MPPED2: variants seen among roughly 807,000 people sequenced by gnomAD.
MPPED2 encodes metallophosphoesterase domain containing 2.
In MPPED2, 5 loss-of-function variants were observed where a neutral mutation model predicts 33.0. The ratio of observed to expected loss-of-function variants is 0.15; its 90% CI spans 0.08 to 0.32. The LOEUF (loss-of-function observed/expected upper bound fraction) is 0.32, where lower values mean the gene tolerates loss of function less well. Among genes scored for constraint, MPPED2 ranks in the 10% least tolerant of loss-of-function variants. The pLI is 1.00. For synonymous variants in MPPED2, 136 were observed against 141.9 expected (o/e 0.96, Z 0.29); for missense variants, 275 against 372.1 (o/e 0.74, Z 2.15).
intron 3 of MPPED2, among the ~76,000 whole-genome samples, chr11:30,508,545 A>G (rs1327201537): frequency 6.6e-6 from 1 of 152,328 alleles, no homozygotes; most frequent in East Asian, 1.9e-4. Flanking sequence ...TTTAAACCAC[A>G]TAGTCTGTGT....
chr11:30,481,421 G>A (rs1339595728), intron 4 of MPPED2, among the ~76,000 whole-genome samples: 4 of 152,090 alleles, frequency 2.6e-5, no homozygotes, highest in Non-Finnish European at 4.4e-5. Context: ...ATCTGGTCCC[G>A]TTTAAAGCAA....
chr11:30,454,777 A>T (rs1950210239), intron 4 of MPPED2, among the ~76,000 whole-genome samples: 1 of 152,208 alleles, frequency 6.6e-6, no homozygotes, highest in Admixed American at 6.5e-5. Context: ...AAATCAAAAC[A>T]ACTAGTGCTG....
chr11:30,544,979 G>T (rs375802414), intron 2 of MPPED2, among the ~76,000 whole-genome samples: 30 of 152,292 alleles, frequency 2.0e-4, no homozygotes, highest in African/African-American at 7.2e-4. Context: ...TATTAAGAGT[G>T]GTGTGAAAGC....
At chr11:30,473,575 G>T (rs945212861) in intron 4 of MPPED2, among the ~76,000 whole-genome samples, 5 of 152,056 alleles carry the variant, frequency 3.3e-5, no homozygotes, top group Non-Finnish European at 4.4e-5. Flanking sequence ...TGGTATTCAT[G>T]CCCATATGTA....
chr11:30,561,831 C>T (rs2134724559), intron 2 of MPPED2, among the ~76,000 whole-genome samples: 1 of 152,234 alleles, frequency 6.6e-6, no homozygotes, highest in Non-Finnish European at 1.5e-5. Context: ...CAAGTGATGC[C>T]AACACCAATG....
intron 4 of MPPED2, among the ~76,000 whole-genome samples, chr11:30,447,184 G>A (rs1275496715): frequency 6.6e-6 from 1 of 152,188 alleles, no homozygotes; most frequent in Non-Finnish European, 1.5e-5. Flanking sequence ...CTATCTGTAT[G>A]TGACAGATTC....
At chr11:30,458,924 T>C (rs1222340199) in intron 4 of MPPED2, among the ~76,000 whole-genome samples, 4 of 130,188 alleles carry the variant, frequency 3.1e-5, no homozygotes, top group African/African-American at 1.2e-4. Flanking sequence ...CTTTTTTTTT[T>C]TTTTTTTTTT....
intron 4 of MPPED2, among the ~76,000 whole-genome samples, chr11:30,481,597 G>A (rs764642516): frequency 4.6e-5 from 7 of 152,130 alleles, no homozygotes; most frequent in African/African-American, 9.7e-5. Context: ...CACATGAGAG[G>A]AGGGGAGCTT....
chr11:30,580,069 T>G (rs1957095937), intron 2 of MPPED2, among the ~76,000 whole-genome samples, 177 bp downstream of exon 2: 1 of 152,196 alleles, frequency 6.6e-6, no homozygotes, highest in African/African-American at 2.4e-5. Flanking sequence ...AAATTTGAAA[T>G]GTTACACAGA....
chr11:30,420,343 C>T (rs936258853), intron 4 of MPPED2, among the ~76,000 whole-genome samples: 11 of 152,124 alleles, frequency 7.2e-5, no homozygotes, highest in African/African-American at 1.7e-4. Flanking sequence ...GGAAAAGTTA[C>T]GAAAAACCCA....
chr11:30,434,059 C>A (rs984897673), intron 4 of MPPED2, among the ~76,000 whole-genome samples: 1 of 152,178 alleles, frequency 6.6e-6, no homozygotes, highest in Admixed American at 6.5e-5. Flanking sequence ...CCTCCAGCCT[C>A]CCGGTTGTGG....
At chr11:30,468,252 ACACACT>A (rs1950800285) in intron 4 of MPPED2, among the ~76,000 whole-genome samples, 5 of 107,850 alleles carry the variant, frequency 4.6e-5, no homozygotes, top group African/African-American at 1.3e-4. Context: ...ACACACACAC[ACACACT>A]CTCTCTCTCT....
At chr11:30,387,061 C>A (rs1157707974) in exon 7 of MPPED2, 3 of 313,428 alleles carry the variant, frequency 9.6e-6, no homozygotes, top group Non-Finnish European at 1.7e-5. Flanking sequence ...GCACAGCGTG[C>A]ACGCATATAA....
At chr11:30,553,687 G>A (rs1955829518) in intron 2 of MPPED2, among the ~76,000 whole-genome samples, 1 of 152,140 alleles carries the variant, frequency 6.6e-6, no homozygotes, top group Admixed American at 6.6e-5. Flanking sequence ...GGAAAACAAT[G>A]GGCTTTGTCA....
At chr11:30,543,068 T>C (rs1453621151) in intron 2 of MPPED2, among the ~76,000 whole-genome samples, 6 of 152,132 alleles carry the variant, frequency 3.9e-5, no homozygotes, top group Admixed American at 3.9e-4. Context: ...TGACTTCTCC[T>C]AAACTAAATA....
At chr11:30,538,107 C>A (rs186254778) in intron 2 of MPPED2, among the ~76,000 whole-genome samples, 18 of 152,196 alleles carry the variant, frequency 1.2e-4, no homozygotes. Context: ...GGACTGTTTG[C>A]ATTTATACTT....
intron 4 of MPPED2, among the ~76,000 whole-genome samples, chr11:30,453,516 C>T (rs1000396938): frequency 7.2e-5 from 11 of 152,204 alleles, no homozygotes; most frequent in Non-Finnish European, 1.2e-4. Flanking sequence ...TAGTGTACTG[C>T]AACCCCAGTG....
intron 4 of MPPED2, among the ~76,000 whole-genome samples, chr11:30,437,694 C>T (rs1219410861): frequency 1.3e-5 from 2 of 152,126 alleles, no homozygotes; most frequent in African/African-American, 4.8e-5. Flanking sequence ...GAAATTTAGT[C>T]CTATGGTTCA....
intron 4 of MPPED2, among the ~76,000 whole-genome samples, chr11:30,476,699 A>G (rs1951218985): frequency 6.6e-6 from 1 of 152,022 alleles, no homozygotes; most frequent in African/African-American, 2.4e-5. Flanking sequence ...TTATTTTTTT[A>G]TACTCACTTT....
Sources: gnomAD v4.1 joint callset for allele counts (sites outside exome capture counted in the v4.1 genomes callset) on GRCh38, gnomAD v4.1.1 for gene constraint, MANE v1.5 for transcripts, NCBI Gene and HGNC (gene_info 2026-07-23, HGNC 2026-07-21) for gene names.